The following RIMS1 variants were observed in gnomAD, a reference collection of about 807,000 sequenced individuals.
RIMS1 encodes regulating synaptic membrane exocytosis 1, also known as regulating synaptic membrane exocytosis protein 1.
RIMS1 carries 83 observed loss-of-function variants against 214.1 expected under a neutral mutation model. The ratio of observed to expected loss-of-function variants is 0.39; its 90% CI spans 0.32 to 0.47. The LOEUF (loss-of-function observed/expected upper bound fraction) is 0.47. RIMS1 is among the 20% of genes least tolerant of loss of function. The probability of loss-of-function intolerance (pLI) is 0.99; values close to 1 mark genes in which losing one functional copy is unlikely to be tolerated. For synonymous variants in RIMS1, 793 were observed against 786.8 expected (o/e 1.01, Z -0.13); for missense variants, 2,050 against 2,161.8 (o/e 0.95, Z 1.03).
chr6:72,207,842 AT>A (rs1482301367), intron 6 of RIMS1, among the ~76,000 whole-genome samples: 3 of 152,138 alleles, frequency 2.0e-5, no homozygotes, highest in Non-Finnish European at 2.9e-5. Flanking sequence ...TAAAGATAAC[AT>A]TTTTTAAGGC....
At chr6:72,150,209 TA>T (rs1270836686) in intron 4 of RIMS1, among the ~76,000 whole-genome samples, 2 of 147,690 alleles carry the variant, frequency 1.4e-5, no homozygotes, top group African/African-American at 2.5e-5. Flanking sequence ...AAAAAAAGGC[TA>T]AAAAAAGGCC....
chr6:72,070,410 A>G (rs1830331148), intron 2 of RIMS1, among the ~76,000 whole-genome samples: 2 of 152,158 alleles, frequency 1.3e-5, no homozygotes, highest in South Asian at 4.1e-4. Context: ...CAACTGGAGG[A>G]AAGGCATTAT....
At chr6:72,071,243 T>A (rs1048468227) in intron 2 of RIMS1, among the ~76,000 whole-genome samples, 8 of 151,808 alleles carry the variant, frequency 5.3e-5, no homozygotes, top group Non-Finnish European at 1.2e-4. Context: ...TACAAAAAAA[T>A]TTAACAAATT....
At chr6:71,951,693 C>A (rs1415037013) in intron 1 of RIMS1, among the ~76,000 whole-genome samples, 1 of 147,942 alleles carries the variant, frequency 6.8e-6, no homozygotes, top group Non-Finnish European at 1.5e-5. Flanking sequence ...GTGACAGGGT[C>A]TTTCTGTGTT....
Position 72,399,001 on chromosome 6 carries a change from CAAG to C in RIMS1, c.4775_4777del (p.Lys1592del). 2 of 1,609,448 alleles carry C rather than the reference CAAG, an allele frequency of 1.2e-6. No individual in the cohort carries two copies. Among genetic ancestry groups the C allele is most frequent in the Non-Finnish European group, 1.7e-6 (2 of 1,176,634 alleles). On this transcript the variant is annotated inframe_deletion, in exon 33 of 34. Transcript: ENST00000521978. ...TTTTGGAAAATGGGGCCTGTATAGC[CAAG>C]AAGAAGACAAGAATTGCACGAAAAA...
At chr6:72,076,257 A>G (rs139913017) in intron 2 of RIMS1, among the ~76,000 whole-genome samples, 57 of 152,338 alleles carry the variant, frequency 3.7e-4, no homozygotes, top group Middle Eastern at 3.4e-3. Flanking sequence ...GAAACTCAGT[A>G]TATTAGCTTA....
chr6:71,982,662 G>C (rs1798797815), intron 2 of RIMS1, among the ~76,000 whole-genome samples: 1 of 152,068 alleles, frequency 6.6e-6, no homozygotes, highest in Non-Finnish European at 1.5e-5. Flanking sequence ...TGTCCTGTCA[G>C]GTCTAATTCT....
At chr6:72,358,395 C>A (rs1299867177) in intron 29 of RIMS1, among the ~76,000 whole-genome samples, 5 of 151,508 alleles carry the variant, frequency 3.3e-5, no homozygotes, top group Admixed American at 3.3e-4. Flanking sequence ...TTTTCTAATA[C>A]AAAGTAAAGT....
rs1259092494 is a variant in RIMS1 at position 71,901,127 on chromosome 6, T to C, written c.164+13940T>C. 4.6e-5 allele frequency among the ~76,000 whole-genome samples: 7 copies of C among 152,218 alleles called. No homozygotes were observed. In the East Asian group the frequency reaches 1.4e-3, roughly 29 times the overall value. On this transcript the variant is annotated intron_variant, in intron 1 of 33. Transcript: ENST00000521978. The stretch of plus-strand genomic sequence containing the variant: ...AAGGAAGACTGGAATCACCTAATGT[T>C]GATAAAGATAATGAGAAACTAAAAG...
chr6:72,293,952 A>T (rs2093756490), intron 26 of RIMS1, among the ~76,000 whole-genome samples: 1 of 151,678 alleles, frequency 6.6e-6, no homozygotes, highest in Non-Finnish European at 1.5e-5. Flanking sequence ...TGGTTATTTG[A>T]GTTTCCTGAA....
In RIMS1 at chr6:71,886,992, G is replaced by T; in HGVS notation, c.-32G>T. On this transcript the variant is annotated 5_prime_UTR_variant, in exon 1 of 34. Transcript: ENST00000521978. The stretch of plus-strand genomic sequence containing the variant: ...GTGCATCCGAAAGGTGAGAGCCAGA[G>T]AGCGAGCAGAGGGGGCGGGCAGGCC... 1 of 1,606,868 alleles carries T rather than the reference G, an allele frequency of 6.2e-7. No homozygotes were observed. The highest frequency in any genetic ancestry group is 2.2e-5 in the East Asian group (1 of 44,782).
intron 2 of RIMS1, among the ~76,000 whole-genome samples, chr6:72,061,521 C>A (rs547910693): frequency 1.3e-5 from 2 of 152,230 alleles, no homozygotes; most frequent in East Asian, 3.8e-4. Flanking sequence ...ACTCACTCAG[C>A]GGCTGTGCAT....
chr6:71,919,353 G>T (rs142102942), intron 1 of RIMS1, among the ~76,000 whole-genome samples: 1 of 152,020 alleles, frequency 6.6e-6, no homozygotes, highest in African/African-American at 2.4e-5. Context: ...AATTTTGACC[G>T]TGGCTAACCT....
chr6:71,920,025 T>C (rs991771368), intron 1 of RIMS1, among the ~76,000 whole-genome samples: 5 of 152,088 alleles, frequency 3.3e-5, no homozygotes, highest in African/African-American at 9.7e-5. Context: ...AAAAACACCA[T>C]AAACATGAGA....
chr6:72,253,215 T>C (rs867978046), intron 16 of RIMS1, among the ~76,000 whole-genome samples: 1 of 152,198 alleles, frequency 6.6e-6, no homozygotes, highest in African/African-American at 2.4e-5. Context: ...CTGAAAATAA[T>C]GTAGCCCTCC....
intron 29 of RIMS1, among the ~76,000 whole-genome samples, chr6:72,352,722 CAT>C (rs2097499768): frequency 6.6e-6 from 1 of 152,072 alleles, no homozygotes; most frequent in Non-Finnish European, 1.5e-5. Context: ...AAATGGAGAA[CAT>C]ATATCTGACT....
At chr6:72,034,561 A>G (rs1819048566) in intron 2 of RIMS1, among the ~76,000 whole-genome samples, 1 of 152,002 alleles carries the variant, frequency 6.6e-6, no homozygotes, top group African/African-American at 2.4e-5. Context: ...CTCTGTTTTT[A>G]AAGTGGTAAA....
chr6:72,150,213 A>G (rs2043346301), intron 4 of RIMS1, among the ~76,000 whole-genome samples: 1 of 152,206 alleles, frequency 6.6e-6, no homozygotes. Flanking sequence ...AAAGGCTAAA[A>G]AAAGGCCAGT....
At chr6:71,923,032 A>G (rs1467243558) in intron 1 of RIMS1, among the ~76,000 whole-genome samples, 1 of 152,202 alleles carries the variant, frequency 6.6e-6, no homozygotes, top group African/African-American at 2.4e-5. Flanking sequence ...CTTGTGAGAT[A>G]AGTGAAATTG....
Sources: allele counts gnomAD v4.1 joint callset (sites outside exome capture counted in the v4.1 genomes callset), GRCh38; gene constraint gnomAD v4.1.1; transcripts MANE v1.5; gene names NCBI Gene and HGNC (gene_info 2026-07-23, HGNC 2026-07-21).